Variants in CRPPA observed in about 807,000 individuals in gnomAD.
CRPPA encodes D-ribitol-5-phosphate cytidylyltransferase.
CRPPA carries 43 observed loss-of-function variants against 52.0 expected under a neutral mutation model. That is an observed-to-expected ratio of 0.83 (90% CI 0.65 to 1.07). CRPPA has a LOEUF of 1.07. Among genes scored for constraint, CRPPA ranks in the 50% least tolerant of loss-of-function variants. The pLI is 0.00. For missense variants in CRPPA, 629 were observed against 551.7 expected (o/e 1.14, Z -1.40); for synonymous variants, 250 against 203.5 (o/e 1.23, Z -1.94).
At chr7:16,216,365 T>A (rs1009462483) in intron 8 of CRPPA, 168 bp from the exon 9 acceptor site, 21 of 481,256 alleles carry the variant, frequency 4.4e-5, no homozygotes, top group African/African-American at 3.8e-4. Flanking sequence ...GATCGATGAA[T>A]CCTCCTTTAT....
At chr7:16,381,922 T>C (rs1432512236) in intron 2 of CRPPA, among the ~76,000 whole-genome samples, 3 of 152,168 alleles carry the variant, frequency 2.0e-5, no homozygotes, top group Non-Finnish European at 2.9e-5. Context: ...TACAGTGCAC[T>C]GATGGGTCTT....
intron 3 of CRPPA, among the ~76,000 whole-genome samples, chr7:16,339,663 C>G (rs986970865): frequency 6.6e-6 from 1 of 152,146 alleles, no homozygotes; most frequent in African/African-American, 2.4e-5. Context: ...TTCACCATTC[C>G]TTTTCAACAT....
chr7:16,115,514 T>C (rs994465799), intron 9 of CRPPA, among the ~76,000 whole-genome samples: 1 of 152,174 alleles, frequency 6.6e-6, no homozygotes, highest in Non-Finnish European at 1.5e-5. Flanking sequence ...TATTTCCTAG[T>C]CCTGTTCACT....
chr7:16,342,798 T>TATATATAGATAGATATA (rs1491461185), intron 3 of CRPPA, among the ~76,000 whole-genome samples: 1 of 101,254 alleles, frequency 9.9e-6, no homozygotes, highest in African/African-American at 4.1e-5. Flanking sequence ...TATATATATA[T>TATATATAGATAGATATA]CTATATAGAT....
intron 6 of CRPPA, among the ~76,000 whole-genome samples, chr7:16,260,990 G>A (rs1355410167): frequency 6.6e-6 from 1 of 151,920 alleles, no homozygotes; most frequent in Non-Finnish European, 1.5e-5. Context: ...AACAATGTGG[G>A]AAAGTTCTTT....
chr7:16,333,088 T>C (rs114940671), intron 3 of CRPPA, among the ~76,000 whole-genome samples: 174 of 152,302 alleles, frequency 1.1e-3, no homozygotes, highest in African/African-American at 4.0e-3. Context: ...TCAATGTGCC[T>C]GGACCTAACA....
chr7:16,134,930 C>T (rs1252172521), intron 9 of CRPPA, among the ~76,000 whole-genome samples: 1 of 152,082 alleles, frequency 6.6e-6, no homozygotes, highest in Non-Finnish European at 1.5e-5. Flanking sequence ...AATACAGAAA[C>T]ATTTTATATT....
At chr7:16,105,449 C>G (rs1429361874) in intron 9 of CRPPA, among the ~76,000 whole-genome samples, 1 of 152,182 alleles carries the variant, frequency 6.6e-6, no homozygotes, top group Non-Finnish European at 1.5e-5. Context: ...CATACCCATC[C>G]CTACCATTCT....
At chr7:16,136,723 G>C (rs1201708564) in intron 9 of CRPPA, among the ~76,000 whole-genome samples, 1 of 152,212 alleles carries the variant, frequency 6.6e-6, no homozygotes, top group African/African-American at 2.4e-5. Context: ...GATTTCCTGA[G>C]AGAAAGAAGG....
At chr7:16,185,821 G>A (rs561309957) in intron 9 of CRPPA, among the ~76,000 whole-genome samples, 1 of 152,236 alleles carries the variant, frequency 6.6e-6, no homozygotes, top group South Asian at 2.1e-4. Flanking sequence ...GAAAAAAGTG[G>A]CAGTCAAATA....
intron 9 of CRPPA, among the ~76,000 whole-genome samples, chr7:16,118,462 T>A (rs1782421610): frequency 6.6e-6 from 1 of 152,200 alleles, no homozygotes; most frequent in South Asian, 2.1e-4. Flanking sequence ...TACTTAAAAA[T>A]TGTGCTCTTG....
chr7:16,377,911 TA>T (rs1786940645), intron 2 of CRPPA, among the ~76,000 whole-genome samples: 2 of 152,036 alleles, frequency 1.3e-5, no homozygotes, highest in African/African-American at 2.4e-5. Context: ...TGCCCCAGAA[TA>T]CTGGGGCCCT....
At chr7:16,166,932 T>A (rs1265650420) in intron 9 of CRPPA, among the ~76,000 whole-genome samples, 113 of 5,714 alleles carry the variant, frequency 0.02, 1 homozygote, top group Admixed American at 0.094. Flanking sequence ...CCAACCTACT[T>A]TTTTTTTTTT....
chr7:16,192,663 A>G (rs1781639125), intron 9 of CRPPA, among the ~76,000 whole-genome samples: 1 of 152,112 alleles, frequency 6.6e-6, no homozygotes, highest in South Asian at 2.1e-4. Context: ...CATGTTTGAG[A>G]TTCAACTTTG....
chr7:16,125,269 A>C (rs1368857079), intron 9 of CRPPA, among the ~76,000 whole-genome samples: 129 of 151,216 alleles, frequency 8.5e-4, no homozygotes, highest in African/African-American at 2.9e-3. Flanking sequence ...AAAAAAAAAA[A>C]AAAAAAAAAA....
At chr7:16,240,752 T>C (rs1292555959) in intron 8 of CRPPA, among the ~76,000 whole-genome samples, 1 of 152,150 alleles carries the variant, frequency 6.6e-6, no homozygotes, top group Admixed American at 6.6e-5. Flanking sequence ...ATTTTCCTAG[T>C]CTAGTAATAA....
At chr7:16,400,357 C>T (rs1318473599) in intron 2 of CRPPA, among the ~76,000 whole-genome samples, 1 of 152,222 alleles carries the variant, frequency 6.6e-6, no homozygotes, top group Non-Finnish European at 1.5e-5. Context: ...ATGATTGACA[C>T]ATGACCAACA....
chr7:16,266,797 A>C (rs1322059575), intron 6 of CRPPA, among the ~76,000 whole-genome samples: 1 of 152,138 alleles, frequency 6.6e-6, no homozygotes, highest in Non-Finnish European at 1.5e-5. Context: ...TTATGCATCC[A>C]AAGTTGGATA....
At chr7:16,167,494 C>T (rs1480329511) in intron 9 of CRPPA, among the ~76,000 whole-genome samples, 4 of 152,176 alleles carry the variant, frequency 2.6e-5, no homozygotes, top group Admixed American at 2.6e-4. Context: ...GATGGTCTAT[C>T]CAGTCTGGAA....
Sources: gnomAD v4.1 joint callset for allele counts (sites outside exome capture counted in the v4.1 genomes callset) on GRCh38, gnomAD v4.1.1 for gene constraint, MANE v1.5 for transcripts, NCBI Gene and HGNC (gene_info 2026-07-23, HGNC 2026-07-21) for gene names.